Variants in IRAG1 observed in about 807,000 individuals in gnomAD.
IRAG1 encodes the protein IP3R-associated cGMP kinase substrate.
Under a neutral mutation model 106.2 loss-of-function variants are expected in IRAG1, and 62 were observed. That is an observed-to-expected ratio of 0.58 (90% CI 0.48 to 0.72). The LOEUF (loss-of-function observed/expected upper bound fraction) is 0.72, where lower values mean the gene tolerates loss of function less well. IRAG1 is among the 30% of genes least tolerant of loss of function. IRAG1 has a pLI of 0.00. For synonymous variants in IRAG1, 462 were observed against 443.9 expected (o/e 1.04, Z -0.51); for missense variants, 1,064 against 1,140.7 (o/e 0.93, Z 0.97).
chr11:10,620,901 T>C (rs1855787455), intron 10 of IRAG1, among the ~76,000 whole-genome samples: 1 of 152,148 alleles, frequency 6.6e-6, no homozygotes, highest in African/African-American at 2.4e-5. Context: ...CAAAGAACAA[T>C]AGATAGGTCA....
chr11:10,593,824 T>C (rs1345156370), intron 16 of IRAG1: 5 of 577,030 alleles, frequency 8.7e-6, no homozygotes, highest in Non-Finnish European at 1.5e-5. Flanking sequence ...TTTTAGCTTA[T>C]GAGATCTTGG....
intron 1 of IRAG1, among the ~76,000 whole-genome samples, chr11:10,677,578 T>TCCTCTTCA (rs3993267): frequency 0.4 from 60,637 of 151,726 alleles, 12,435 homozygotes; most frequent in African/African-American, 0.47. Flanking sequence ...GGGTCACATT[T>TCCTCTTCA]CCTCTTCACC....
rs2134213208 is a variant in IRAG1, at chr11:10,592,466, A to T, written c.2176-854T>A. Among the ~76,000 whole-genome samples, 5 of 152,340 alleles carry T rather than the reference A, an allele frequency of 3.3e-5. 1 individual carries two copies. The Middle Eastern group carries it at 0.017, about 518-fold the overall frequency. ...TTGGGAATTTAGGTTGATTTCATAG[A>T]CGACTGAAATGCTTGAGGCAGGAAG... On this transcript the variant is annotated intron_variant, in intron 17 of 20. Coordinates refer to ENST00000423302, the MANE Select transcript of IRAG1 (RefSeq NM_130385.4).
At chr11:10,666,460 C>T (rs999986646) in intron 1 of IRAG1, among the ~76,000 whole-genome samples, 3 of 152,198 alleles carry the variant, frequency 2.0e-5, no homozygotes, top group Admixed American at 6.5e-5. Context: ...CAGAGCCAGG[C>T]GACAGCAGCA....
chr11:10,659,666 A>G lies in IRAG1; in HGVS notation c.68-7484T>C, dbSNP rs1859240835. Among the ~76,000 whole-genome samples the G allele has an allele frequency of 6.6e-6, 1 of 152,146 alleles. No individual in the cohort carries two copies. Among genetic ancestry groups the G allele is most frequent in the Admixed American group, 6.5e-5 (1 of 15,284 alleles). On this transcript the variant is annotated intron_variant, in intron 1 of 20. Coordinates refer to ENST00000423302, the MANE Select transcript of IRAG1 (RefSeq NM_130385.4). The surrounding 1 kb of genome is among the most constrained non-coding windows in gnomAD (Gnocchi z 4.1). The stretch of plus-strand genomic sequence containing the variant: ...CCAATGACAGGAAATAAGCCTAAAC[A>G]TCTCCCCAGGTTTCCTTTCCAGCTT...
chr11:10,623,563 T>A (rs1855998679), intron 10 of IRAG1, among the ~76,000 whole-genome samples: 1 of 151,956 alleles, frequency 6.6e-6, no homozygotes, highest in Admixed American at 6.6e-5. Context: ...CCAGCATGGC[T>A]TAGGGAGGGC....
At chr11:10,605,023 C>T (rs939844247) in intron 12 of IRAG1, among the ~76,000 whole-genome samples, 1 of 152,126 alleles carries the variant, frequency 6.6e-6, no homozygotes, top group Non-Finnish European at 1.5e-5. Context: ...GCATCTAGCC[C>T]GAGTATTCCA....
chr11:10,677,876 C>T (rs903828), intron 1 of IRAG1, among the ~76,000 whole-genome samples: 60,943 of 152,066 alleles, frequency 0.4, 12,556 homozygotes, highest in African/African-American at 0.47. Context: ...TGCAACCATA[C>T]AATATGTGAC....
Position 10,622,931 on chromosome 11 carries a change from G to T in IRAG1, c.1447+847C>A, listed in dbSNP as rs1049680665. ...TGCCCTTGGGGGCTTCTTCTCTAGG[G>T]ATAATAGCTGACACCTAGATAACAC... On this transcript the variant is annotated intron_variant, in intron 10 of 20. Transcript: ENST00000423302. Among the ~76,000 whole-genome samples, 13 of 130,232 alleles carry T rather than the reference G, an allele frequency of 1.0e-4. No homozygotes were observed. In the East Asian group the frequency reaches 1.1e-3, roughly 11 times the overall value. 85.4% of individuals were successfully genotyped at this position (130,232 alleles called of 152,430 possible).
At chr11:10,652,312 G>T in intron 1 of IRAG1, 130 bp from the exon 2 acceptor site, 1 of 1,470,808 alleles carries the variant, frequency 6.8e-7, no homozygotes, top group Non-Finnish European at 9.0e-7. Flanking sequence ...GTCAAACCAG[G>T]CTAGGAGAGG....
chr11:10,600,087 A>T (rs1304841297), intron 15 of IRAG1, among the ~76,000 whole-genome samples: 1 of 152,118 alleles, frequency 6.6e-6, no homozygotes, highest in Non-Finnish European at 1.5e-5. Context: ...ACCTTTGTCC[A>T]TGCTGGTTTC....
At position 10,576,326 on chromosome 11, in the gene IRAG1, G is replaced by A; in HGVS notation, c.*6C>T. 1 of 1,613,568 alleles carries A rather than the reference G, an allele frequency of 6.2e-7. No individual in the cohort carries two copies. The highest frequency in any genetic ancestry group is 8.5e-7 in the Non-Finnish European group (1 of 1,179,826). ...AGAGCAGGGCACTGGCTAGGTGTGAGGTTTCCTACTGCTCTGTAGGCTGCT... is the reference window on the plus strand; with the variant it reads ...AGAGCAGGGCACTGGCTAGGTGTGAAGTTTCCTACTGCTCTGTAGGCTGCT... On this transcript the variant is annotated 3_prime_UTR_variant, in exon 21 of 21. Transcript: ENST00000423302.
rs374248232 is a variant in IRAG1, at chr11:10,680,404, G to GGAAAGAAA, written c.67+13124_67+13131dup. ...AGGAAGGAAGGAAGGAAGGAAGGAA[G>GGAAAGAAA]GAAAGAAAGGGAAAGAAAGAAAGAG... On this transcript the variant is annotated intron_variant, in intron 1 of 20. Transcript: ENST00000423302. 3.7e-4 allele frequency among the ~76,000 whole-genome samples: 30 copies of GGAAAGAAA among 82,138 alleles called. No homozygotes were observed. In the East Asian group the frequency reaches 0.013, roughly 35 times the overall value. 53.9% of individuals were successfully genotyped at this position (82,138 alleles called of 152,430 possible).
At position 10,662,650 on chromosome 11, in the gene IRAG1, G is replaced by A. The variant is rs542861880; in HGVS notation, c.68-10468C>T. 3.3e-5 allele frequency among the ~76,000 whole-genome samples: 5 copies of A among 152,328 alleles called. No individual in the cohort carries two copies. In the South Asian group the frequency reaches 8.3e-4, roughly 25 times the overall value. On this transcript the variant is annotated intron_variant, in intron 1 of 20. Coordinates refer to ENST00000423302, the MANE Select transcript of IRAG1 (RefSeq NM_130385.4). ...TTTCCTCAAACAGTTGGTTATGTGTGTTCAAATGCGGCAGCACCCTCGTGT... is the reference window on the plus strand; with the variant it reads ...TTTCCTCAAACAGTTGGTTATGTGTATTCAAATGCGGCAGCACCCTCGTGT...
intron 12 of IRAG1, among the ~76,000 whole-genome samples, chr11:10,606,070 C>G (rs1854448932): frequency 6.6e-6 from 1 of 152,238 alleles, no homozygotes; most frequent in African/African-American, 2.4e-5. Flanking sequence ...ACTGCAAGTG[C>G]AATGCCTGTG....
rs1405856559 is a variant in IRAG1, at chr11:10,657,096, G to A, written c.68-4914C>T. 6.6e-6 allele frequency among the ~76,000 whole-genome samples: 1 copy of A among 152,216 alleles called. No homozygotes were observed. Among genetic ancestry groups the A allele is most frequent in the Non-Finnish European group, 1.5e-5 (1 of 68,042 alleles). ...CCTTGTAGGCTTCAAAGGCCTTACT[G>A]TATCCCAGAAAGTATAGAGCCATCA... On this transcript the variant is annotated intron_variant, in intron 1 of 20. Coordinates refer to ENST00000423302, the MANE Select transcript of IRAG1 (RefSeq NM_130385.4). The surrounding 1 kb of genome is among the most constrained non-coding windows in gnomAD (Gnocchi z 4.1).
At chr11:10,632,693 G>T (rs1344958816) in intron 3 of IRAG1, among the ~76,000 whole-genome samples, 2 of 152,158 alleles carry the variant, frequency 1.3e-5, no homozygotes, top group Non-Finnish European at 2.9e-5. Flanking sequence ...TCCAACCACT[G>T]CCCTAAGAGG....
intron 11 of IRAG1, among the ~76,000 whole-genome samples, 180 bp from the exon 12 acceptor site, chr11:10,606,952 G>A (rs1022016209): frequency 1.3e-5 from 2 of 152,052 alleles, no homozygotes; most frequent in African/African-American, 2.4e-5. Flanking sequence ...TGACTCTTAC[G>A]GCACCATGAC....
chr11:10,648,964 G>A lies in IRAG1; in HGVS notation c.225+3061C>T, dbSNP rs188256408. Among the ~76,000 whole-genome samples the A allele has an allele frequency of 1.6e-3, 246 of 152,278 alleles. 1 individual carries two copies. The highest frequency in any genetic ancestry group is 3.4e-3 in the Middle Eastern group (1 of 294). On this transcript the variant is annotated intron_variant, in intron 2 of 20. Coordinates refer to ENST00000423302, the MANE Select transcript of IRAG1 (RefSeq NM_130385.4). The stretch of plus-strand genomic sequence containing the variant: ...GGAATCACAACTAGGGCTGGACCCC[G>A]GGGAGCTGTAAACTTAGAAGGATGC...
Sources: allele counts gnomAD v4.1 joint callset (sites outside exome capture counted in the v4.1 genomes callset), GRCh38; gene constraint gnomAD v4.1.1; non-coding constraint Gnocchi (gnomAD v3.1); transcripts MANE v1.5; gene names NCBI Gene and HGNC (gene_info 2026-07-23, HGNC 2026-07-21).